RABEP1: variants seen among roughly 807,000 people sequenced by gnomAD.
RABEP1 encodes rabaptin, RAB GTPase binding effector protein 1, also known as rab GTPase-binding effector protein 1.
A neutral mutation model predicts 123.4 loss-of-function variants in RABEP1; 51 were observed. The ratio of observed to expected loss-of-function variants is 0.41; its 90% CI spans 0.33 to 0.52. The LOEUF is 0.52. RABEP1 is among the 20% of genes least tolerant of loss of function. RABEP1 has a pLI of 0.16. For synonymous variants in RABEP1, 347 were observed against 355.2 expected (o/e 0.98, Z 0.26); for missense variants, 888 against 996.3 (o/e 0.89, Z 1.46).
At chr17:5,309,424 G>T (rs2075213652) in intron 2 of RABEP1, among the ~76,000 whole-genome samples, 1 of 150,016 alleles carries the variant, frequency 6.7e-6, no homozygotes, top group Non-Finnish European at 1.5e-5. Context: ...CCAACGGGCG[G>T]GGGCGGATCA....
chr17:5,309,682 T>C, intron 2 of RABEP1, among the ~76,000 whole-genome samples: 1 of 149,952 alleles, frequency 6.7e-6, no homozygotes, highest in African/African-American at 2.4e-5. Context: ...AAAAAGAAAC[T>C]GTATAAGGAA....
intron 1 of RABEP1, among the ~76,000 whole-genome samples, chr17:5,305,029 T>C (rs2075167980): frequency 6.6e-6 from 1 of 152,222 alleles, no homozygotes; most frequent in Non-Finnish European, 1.5e-5. Flanking sequence ...CTAATGATAG[T>C]GACCTATTAG....
At chr17:5,316,038 G>GA (rs1228221761) in intron 2 of RABEP1, among the ~76,000 whole-genome samples, 2 of 152,080 alleles carry the variant, frequency 1.3e-5, no homozygotes, top group African/African-American at 4.8e-5. Context: ...AAAGTGCAGA[G>GA]AAAAAATAAT....
intron 2 of RABEP1, among the ~76,000 whole-genome samples, chr17:5,315,101 T>C (rs1411509282): frequency 2.0e-5 from 3 of 152,222 alleles, no homozygotes; most frequent in Admixed American, 1.3e-4. Flanking sequence ...TTGTAATTTA[T>C]ATAAAGCTGT....
At chr17:5,282,983 G>A (rs1212632043) in intron 1 of RABEP1, among the ~76,000 whole-genome samples, 1 of 152,240 alleles carries the variant, frequency 6.6e-6, no homozygotes, top group African/African-American at 2.4e-5. Flanking sequence ...CCTGAAAGTA[G>A]TTGTGTACAG....
chr17:5,349,313 G>T (rs1299453311), intron 6 of RABEP1, among the ~76,000 whole-genome samples: 1 of 152,218 alleles, frequency 6.6e-6, no homozygotes, highest in African/African-American at 2.4e-5. Context: ...TAAGTCATAA[G>T]TGCTGGTCTA....
intron 1 of RABEP1, among the ~76,000 whole-genome samples, chr17:5,287,336 C>T (rs1486921166): frequency 2.0e-5 from 3 of 151,914 alleles, no homozygotes; most frequent in African/African-American, 7.3e-5. Flanking sequence ...TACAGGCTCA[C>T]GCCTGTAATC....
chr17:5,368,245 T>C, intron 11 of RABEP1, 125 bp from the exon 12 acceptor site: 1 of 666,048 alleles, frequency 1.5e-6, no homozygotes. Context: ...TGTTGGATGA[T>C]GGTCAGTGGT....
chr17:5,284,298 A>G (rs982562042), intron 1 of RABEP1, among the ~76,000 whole-genome samples: 14 of 152,110 alleles, frequency 9.2e-5, no homozygotes, highest in Admixed American at 3.3e-4. Context: ...TTTCTTTCCT[A>G]TTTCTCAAAT....
intron 2 of RABEP1, among the ~76,000 whole-genome samples, chr17:5,314,898 T>C (rs909013220): frequency 6.6e-6 from 1 of 152,224 alleles, no homozygotes; most frequent in African/African-American, 2.4e-5. Flanking sequence ...GAGCTTGGCA[T>C]TACAGCAGTG....
At chr17:5,338,976 G>C (rs1907336202) in intron 5 of RABEP1, among the ~76,000 whole-genome samples, 1 of 152,036 alleles carries the variant, frequency 6.6e-6, no homozygotes, top group South Asian at 2.1e-4. Context: ...GGGCAACATA[G>C]TGAGACCCCT....
chr17:5,350,430 G>A, intron 6 of RABEP1, 21 bp from the exon 7 acceptor site: 1 of 1,588,332 alleles, frequency 6.3e-7, no homozygotes, highest in Non-Finnish European at 8.5e-7. Context: ...TTTGATTTGT[G>A]GTGGGGGGGT....
At chr17:5,359,683 A>G (rs1441487509) in intron 8 of RABEP1, among the ~76,000 whole-genome samples, 1 of 152,194 alleles carries the variant, frequency 6.6e-6, no homozygotes, top group Non-Finnish European at 1.5e-5. Context: ...TATTTTTAAA[A>G]CATTAAAAAA....
At chr17:5,291,316 A>G (rs2075031026) in intron 1 of RABEP1, among the ~76,000 whole-genome samples, 1 of 152,156 alleles carries the variant, frequency 6.6e-6, no homozygotes, top group Non-Finnish European at 1.5e-5. Flanking sequence ...AGGCTGAGGC[A>G]GGAGAATTGC....
intron 8 of RABEP1, among the ~76,000 whole-genome samples, chr17:5,357,656 C>T (rs1308166312): frequency 6.6e-6 from 1 of 152,150 alleles, no homozygotes; most frequent in Admixed American, 6.5e-5. Context: ...CAGGTGTGAG[C>T]CACCGTTTCC....
chr17:5,326,570 C>T (rs961976726), intron 2 of RABEP1, among the ~76,000 whole-genome samples: 10 of 152,200 alleles, frequency 6.6e-5, no homozygotes, highest in Non-Finnish European at 1.2e-4. Flanking sequence ...GGGAACATGT[C>T]GTTACACATT....
intron 1 of RABEP1, among the ~76,000 whole-genome samples, chr17:5,295,435 C>G (rs566777540): frequency 3.3e-5 from 5 of 151,200 alleles, no homozygotes; most frequent in African/African-American, 1.2e-4. Flanking sequence ...CAATAGTATT[C>G]TAATGTATGG....
intron 1 of RABEP1, among the ~76,000 whole-genome samples, chr17:5,297,592 C>T (rs2075095486): frequency 6.6e-6 from 1 of 152,192 alleles, no homozygotes; most frequent in Admixed American, 6.6e-5. Flanking sequence ...GTTTCTGCAT[C>T]TGTAACTGGG....
chr17:5,385,559 T>A lies in RABEP1; in HGVS notation c.*2336T>A, dbSNP rs1911886932. The stretch of plus-strand genomic sequence containing the variant: ...AAATCACATTCTGCATACTAACCTA[T>A]TTTTTTCTCCCTTTAAGGTGCTAAA... On this transcript the variant is annotated 3_prime_UTR_variant, in exon 18 of 18. Transcript: ENST00000537505. 4.3e-6 allele frequency: 1 copy of A among 230,530 alleles called. No individual in the cohort carries two copies. Among genetic ancestry groups the A allele is most frequent in the Non-Finnish European group, 8.6e-6 (1 of 116,498 alleles). 14.3% of individuals were successfully genotyped at this position (230,530 alleles called of 1,614,324 possible). A position where few individuals can be genotyped will look rare whatever the true frequency, so the allele number is the denominator to read the frequency against.
Sources: gnomAD v4.1 joint callset for allele counts (sites outside exome capture counted in the v4.1 genomes callset) on GRCh38, gnomAD v4.1.1 for gene constraint, MANE v1.5 for transcripts, NCBI Gene and HGNC (gene_info 2026-07-23, HGNC 2026-07-21) for gene names.